TOX: variants seen among roughly 807,000 people sequenced by gnomAD.
TOX encodes the protein thymocyte selection-associated high mobility group box protein TOX.
A neutral mutation model predicts 53.7 loss-of-function variants in TOX; 11 were observed. The ratio of observed to expected loss-of-function variants is 0.20; its 90% confidence interval spans 0.13 to 0.34. The LOEUF (loss-of-function observed/expected upper bound fraction) is 0.34, where lower values mean the gene tolerates loss of function less well. Among genes scored for constraint, TOX ranks in the 10% least tolerant of loss-of-function variants. TOX has a pLI of 1.00. For missense variants in TOX, 570 were observed against 664.6 expected (o/e 0.86, Z 1.56); for synonymous variants, 225 against 245.3 (o/e 0.92, Z 0.77).
At chr8:59,024,833 G>T (rs150208619) in intron 1 of TOX, among the ~76,000 whole-genome samples, 142 of 152,106 alleles carry the variant, frequency 9.3e-4, no homozygotes, top group African/African-American at 2.8e-3. Flanking sequence ...ACATAGCCAA[G>T]ATTCATTTTC....
intron 1 of TOX, among the ~76,000 whole-genome samples, chr8:59,012,188 T>C (rs1351608610): frequency 1.3e-5 from 2 of 152,040 alleles, no homozygotes; most frequent in African/African-American, 4.8e-5. Context: ...AATTTAATGG[T>C]GATTTAAGCC....
intron 4 of TOX, among the ~76,000 whole-genome samples, chr8:58,849,690 CTAATTTTGCATTT>C (rs1810777227): frequency 6.6e-6 from 1 of 152,156 alleles, no homozygotes; most frequent in Non-Finnish European, 1.5e-5. Flanking sequence ...GAGGATGCTA[CTAATTTTGCATTT>C]AATTTCCTGA....
At chr8:58,952,464 A>G (rs1003365700) in intron 2 of TOX, among the ~76,000 whole-genome samples, 1 of 152,262 alleles carries the variant, frequency 6.6e-6, no homozygotes, top group African/African-American at 2.4e-5. Flanking sequence ...AGTTTTTAAT[A>G]ATTGTTCACA....
At chr8:59,115,631 T>C (rs749176322) in intron 1 of TOX, among the ~76,000 whole-genome samples, 3 of 152,204 alleles carry the variant, frequency 2.0e-5, no homozygotes, top group Non-Finnish European at 2.9e-5. Context: ...AATATAACCA[T>C]GCATTAGGCT....
At chr8:58,891,718 C>A (rs1811563841) in intron 3 of TOX, among the ~76,000 whole-genome samples, 1 of 152,208 alleles carries the variant, frequency 6.6e-6, no homozygotes, top group African/African-American at 2.4e-5. Context: ...AACTGAGAAG[C>A]TGAGCGCTTA....
chr8:58,994,131 C>T (rs775357063), intron 1 of TOX, among the ~76,000 whole-genome samples: 2 of 152,086 alleles, frequency 1.3e-5, no homozygotes, highest in Non-Finnish European at 2.9e-5. Flanking sequence ...CCAGTCGTTC[C>T]GTGAAGACTC....
At chr8:58,915,842 C>T (rs1426502575) in intron 3 of TOX, among the ~76,000 whole-genome samples, 1 of 138,050 alleles carries the variant, frequency 7.2e-6, no homozygotes, top group Non-Finnish European at 1.6e-5. Context: ...ATAACCAATA[C>T]AGAGAAGTGC....
chr8:58,862,407 T>C (rs886256145), intron 3 of TOX, among the ~76,000 whole-genome samples: 3 of 152,198 alleles, frequency 2.0e-5, no homozygotes, highest in African/African-American at 7.2e-5. Context: ...CACTCATTTA[T>C]GGTTTTATAA....
chr8:58,826,750 C>T, intron 6 of TOX, 72 bp downstream of exon 6: 1 of 1,300,890 alleles, frequency 7.7e-7, no homozygotes, highest in Non-Finnish European at 1.1e-6. Context: ...ATCTTTTATG[C>T]CTTTAAGTGA....
At chr8:58,869,729 A>G (rs981371396) in intron 3 of TOX, among the ~76,000 whole-genome samples, 2 of 152,208 alleles carry the variant, frequency 1.3e-5, no homozygotes. Context: ...ACAAGGTTAA[A>G]GTTCAACATT....
chr8:58,924,357 G>A (rs1044400499), intron 3 of TOX, among the ~76,000 whole-genome samples: 6 of 152,164 alleles, frequency 3.9e-5, no homozygotes, highest in Non-Finnish European at 7.4e-5. Flanking sequence ...GCAGAAGTAG[G>A]GAGGGAAATC....
At chr8:58,883,360 A>G (rs11984470) in intron 3 of TOX, among the ~76,000 whole-genome samples, 33,505 of 152,116 alleles carry the variant, frequency 0.22, 4,229 homozygotes, top group African/African-American at 0.34. Context: ...ACATTTTTAA[A>G]TGATCTATTT....
At chr8:58,883,010 T>C (rs1334360803) in intron 3 of TOX, among the ~76,000 whole-genome samples, 2 of 152,204 alleles carry the variant, frequency 1.3e-5, no homozygotes, top group Non-Finnish European at 2.9e-5. Context: ...TAGATTTCTC[T>C]GACACACACA....
rs530427128 is a variant in TOX, at chr8:58,886,097, T to G, written c.412-34292A>C. Among the ~76,000 whole-genome samples, 3 of 152,160 alleles carry G rather than the reference T, an allele frequency of 2.0e-5. No homozygotes were observed. In the South Asian group the frequency reaches 6.2e-4, roughly 32 times the overall value. On this transcript the variant is annotated intron_variant, in intron 3 of 8. Transcript: ENST00000361421. ...CTATCAGTTGATTGCTATTACAGAG[T>G]CTAAAAGGGGACAGCCTCTGAGAGG...
rs1805159075 is a variant in TOX, at chr8:59,118,929, C to G, written c.59G>C (p.Cys20Ser). 1.2e-6 allele frequency: 2 copies of G among 1,601,722 alleles called. No homozygotes were observed. Among genetic ancestry groups the G allele is most frequent in the Admixed American group, 1.7e-5 (1 of 59,084 alleles). ...GTCCAGGCAGGGAGAAGGTCCCAGACAGGGAGCGTCGGGCGCAGCGGCGGG... is the reference window on the plus strand; with the variant it reads ...GTCCAGGCAGGGAGAAGGTCCCAGAGAGGGAGCGTCGGGCGCAGCGGCGGG... ...AQPAAAPDAP[C>S]LGPSPCLDPY... Residue 20 changes from cysteine to serine, a missense_variant, in exon 1 of 9, where the codon TGT becomes TCT. Transcript: ENST00000361421. The surrounding 1 kb of genome is among the most constrained non-coding windows in gnomAD (Gnocchi z 4.1).
chr8:58,814,869 T>C (rs1810147149), intron 7 of TOX, among the ~76,000 whole-genome samples: 1 of 152,196 alleles, frequency 6.6e-6, no homozygotes, highest in Non-Finnish European at 1.5e-5. Context: ...AGATTTGGTG[T>C]TGGACCTGAT....
intron 1 of TOX, among the ~76,000 whole-genome samples, chr8:58,986,574 C>A (rs1324184715): frequency 6.6e-6 from 1 of 152,164 alleles, no homozygotes; most frequent in South Asian, 2.1e-4. Context: ...TAAACCCAGA[C>A]ATTGAAATGT....
intron 3 of TOX, among the ~76,000 whole-genome samples, chr8:58,922,606 G>T (rs529830571): frequency 1.2e-4 from 18 of 152,168 alleles, no homozygotes; most frequent in African/African-American, 4.1e-4. Flanking sequence ...AATACTAAGG[G>T]CATGCCTTCT....
At chr8:59,070,506 AACACAC>A (rs371344375) in intron 1 of TOX, among the ~76,000 whole-genome samples, 2,684 of 140,164 alleles carry the variant, frequency 0.019, 40 homozygotes, top group African/African-American at 0.041. Context: ...TGTCAAGGAA[AACACAC>A]ACACACACAC....
Sources: gnomAD v4.1 joint callset for allele counts (sites outside exome capture counted in the v4.1 genomes callset) on GRCh38, gnomAD v4.1.1 for gene constraint, Gnocchi (gnomAD v3.1) non-coding constraint, MANE v1.5 for transcripts, NCBI Gene and HGNC (gene_info 2026-07-23, HGNC 2026-07-21) for gene names.